Variants in SHOX observed in about 807,000 individuals in gnomAD.
SHOX encodes SHOX homeobox.
Under a neutral mutation model 29.6 loss-of-function variants are expected in SHOX, and 12 were observed. That is an observed-to-expected ratio of 0.41 (90% CI 0.26 to 0.66). The LOEUF (loss-of-function observed/expected upper bound fraction) is 0.66, where lower values mean the gene tolerates loss of function less well. Among genes scored for constraint, SHOX ranks in the 30% least tolerant of loss-of-function variants. The probability of loss-of-function intolerance (pLI) is 0.35; values close to 1 mark genes in which losing one functional copy is unlikely to be tolerated. For synonymous variants in SHOX, 214 were observed against 200.6 expected, an observed-to-expected ratio of 1.07 and a Z score of -0.57; for missense variants, 499 against 437.7, an observed-to-expected ratio of 1.14 and a Z score of -1.25.
chrX:644,456 G>A lies in SHOX; in HGVS notation c.699G>A (p.Ala233=). The A allele has an allele frequency of 1.3e-6, 2 of 1,522,552 alleles. No individual in the cohort carries two copies. Among genetic ancestry groups the A allele is most frequent in the African/African-American group, 1.4e-5 (1 of 70,354 alleles). The allele number at this position is 1,522,552 out of a possible 1,614,324, so 94.3% of individuals were successfully genotyped here. A position where few individuals can be genotyped will look rare whatever the true frequency, so the allele number is the denominator to read the frequency against. The change falls in exon 5 of 5, where the codon GCG becomes GCA. Residue 233 remains alanine (A), a synonymous_variant. Coordinates refer to ENST00000686671, the MANE Select transcript of SHOX (RefSeq NM_000451.4). ...HAHPHLHPHL[A]AHAPYLMFPP... is the part of the protein sequence containing the mutation. ...ACCCGCACCTGCACCCGCACCTGGC[G>A]GCGCACGCGCCCTACCTGATGTTCC...
chrX:638,331 T>G (rs1408164216), intron 2 of SHOX, among the ~76,000 whole-genome samples: 1 of 152,146 alleles, frequency 6.6e-6, no homozygotes, highest in African/African-American at 2.4e-5. Flanking sequence ...TTTTCTTTTT[T>G]GAAAAATGCC....
chrX:654,531 G>T (rs1172407037), downstream of SHOX, among the ~76,000 whole-genome samples: 13 of 152,104 alleles, frequency 8.5e-5, no homozygotes, highest in East Asian at 2.5e-3. Context: ...ATAAATCATT[G>T]TTGGGCATCC....
chrX:631,984 C>A, intron 1 of SHOX: 1 of 455,966 alleles, frequency 2.2e-6, no homozygotes, highest in East Asian at 6.9e-5. Flanking sequence ...CTCGAGGCTG[C>A]GTGGTAGGAG....
In SHOX at chrX:649,513, G is replaced by C. The variant is rs996696283; in HGVS notation, c.*4877G>C. On this transcript the variant is annotated 3_prime_UTR_variant, in exon 5 of 5. Coordinates refer to ENST00000686671, the MANE Select transcript of SHOX (RefSeq NM_000451.4). Reference sequence around the variant, plus strand: ...AGGTGAGAAATTGAATTTATGGGGTGGGTGTACGCTGGCGATTCTTGGTGC... The same window carrying C: ...AGGTGAGAAATTGAATTTATGGGGTCGGTGTACGCTGGCGATTCTTGGTGC... 2.0e-5 allele frequency among the ~76,000 whole-genome samples: 3 copies of C among 152,160 alleles called. No homozygotes were observed. Among genetic ancestry groups the C allele is most frequent in the African/African-American group, 7.2e-5 (3 of 41,440 alleles).
At position 642,303 on chromosome X, in the gene SHOX, G is replaced by T. The variant is rs188624766; in HGVS notation, c.633+1216G>T. On this transcript the variant is annotated intron_variant, in intron 4 of 4. Transcript: ENST00000686671. The stretch of plus-strand genomic sequence containing the variant: ...GCATGCGCGGGCGGAACGGGCTTGG[G>T]GGGGGGGCTCTGGCAGGGCGGACGC... 9.6e-3 allele frequency among the ~76,000 whole-genome samples: 1,461 copies of T among 152,194 alleles called. 39 individuals carry two copies. Among genetic ancestry groups the T allele is most frequent in the East Asian group, 0.061 (314 of 5,142 alleles).
chrX:655,608 CT>C (rs2053133430), downstream of SHOX, among the ~76,000 whole-genome samples: 1 of 24,556 alleles, frequency 4.1e-5, no homozygotes, highest in Admixed American at 6.8e-4. Context: ...CTCTCTCTCT[CT>C]CTCTCTATAT....
Position 650,070 on chromosome X carries a change from C to T in SHOX, c.*5434C>T, listed in dbSNP as rs1193561979. ...GCAATTGCCAAGAGTTAGAAAAATG[C>T]ACCTTCTCTGGTGGCCGTTGGGGTG... On this transcript the variant is annotated 3_prime_UTR_variant, in exon 5 of 5. Coordinates refer to ENST00000686671, the MANE Select transcript of SHOX (RefSeq NM_000451.4). 4.0e-5 allele frequency: 18 copies of T among 453,766 alleles called. No homozygotes were observed. The highest frequency in any genetic ancestry group is 7.5e-5 in the Non-Finnish European group (17 of 225,772). 28.1% of individuals were successfully genotyped at this position (453,766 alleles called of 1,614,324 possible).
chrX:630,085 T>C (rs2052619565), upstream of SHOX, among the ~76,000 whole-genome samples: 1 of 152,048 alleles, frequency 6.6e-6, no homozygotes. Flanking sequence ...GGCTTCTTTC[T>C]GCGGGCGCTG....
chrX:658,298 T>G (rs760745887), intron 5 of SHOX, among the ~76,000 whole-genome samples: 1 of 151,878 alleles, frequency 6.6e-6, no homozygotes, highest in East Asian at 2.0e-4. Flanking sequence ...TTAGCGGGTA[T>G]TAAAGCAGCT....
Position 641,052 on chromosome X carries a change from G to T in SHOX, c.598G>T (p.Val200Phe). Residue 200 changes from valine to phenylalanine, a missense_variant, in exon 4 of 5, where the codon GTC (valine) becomes TTC (phenylalanine). By Grantham distance (50) the Val-to-Phe change is conservative (BLOSUM62 -1). Coordinates refer to ENST00000686671, the MANE Select transcript of SHOX (RefSeq NM_000451.4). ...HLDACRVAPY[V>F]NMGALRMPFQ... Reference sequence around the variant, plus strand: ...AGACGCCTGCCGAGTGGCACCCTACGTCAACATGGGAGCCTTACGGATGCC... The same window carrying T: ...AGACGCCTGCCGAGTGGCACCCTACTTCAACATGGGAGCCTTACGGATGCC... 6.2e-7 allele frequency: 1 copy of T among 1,613,794 alleles called. No individual in the cohort carries two copies. The highest frequency in any genetic ancestry group is 8.5e-7 in the Non-Finnish European group (1 of 1,179,840).
In SHOX at chrX:650,091, G is replaced by A. The variant is rs766687125; in HGVS notation, c.*5455G>A. ...AATGCACCTTCTCTGGTGGCCGTTGGGGTGTTGTTTCACAGGCAGTGGTGA... is the reference window on the plus strand; with the variant it reads ...AATGCACCTTCTCTGGTGGCCGTTGAGGTGTTGTTTCACAGGCAGTGGTGA... On this transcript the variant is annotated 3_prime_UTR_variant, in exon 5 of 5. Transcript: ENST00000686671. The A allele has an allele frequency of 4.0e-5, 18 of 447,452 alleles. No homozygotes were observed. The East Asian group carries it at 1.2e-3, about 29-fold the overall frequency. 27.7% of individuals were successfully genotyped at this position (447,452 alleles called of 1,614,324 possible). A position where few individuals can be genotyped will look rare whatever the true frequency, so the allele number is the denominator to read the frequency against.
intron 2 of SHOX, 53 bp downstream of exon 2, chrX:634,879 G>C: frequency 1.3e-6 from 2 of 1,528,160 alleles, no homozygotes; most frequent in Non-Finnish European, 1.8e-6. Flanking sequence ...CTGGTCCTCG[G>C]GAGCGCACAG....
At position 644,673 on chromosome X, in the gene SHOX, G is replaced by C. The variant is rs2124194796; in HGVS notation, c.*37G>C. 2 of 1,402,348 alleles carry C rather than the reference G, an allele frequency of 1.4e-6. No homozygotes were observed. Among genetic ancestry groups the C allele is most frequent in the East Asian group, 3.0e-5 (1 of 33,612 alleles). 86.9% of individuals were successfully genotyped at this position (1,402,348 alleles called of 1,614,324 possible). On this transcript the variant is annotated 3_prime_UTR_variant, in exon 5 of 5. Transcript: ENST00000686671. ...GCCCCCCGCGCGCCCGGACTCCCGG[G>C]CTCCGCGCACCCCGCCTGCACCGCG...
At position 649,695 on chromosome X, in the gene SHOX, A is replaced by G. The variant is rs759095883; in HGVS notation, c.*5059A>G. Among the ~76,000 whole-genome samples the G allele has an allele frequency of 4.6e-5, 7 of 152,172 alleles. No individual in the cohort carries two copies. The highest frequency in any genetic ancestry group is 1.7e-4 in the African/African-American group (7 of 41,528). ...GCAGAGAGAGGATTTGGTGTGTGAGATCCGTACCAGCTCCAGCACACTGAT... is the reference window on the plus strand; with the variant it reads ...GCAGAGAGAGGATTTGGTGTGTGAGGTCCGTACCAGCTCCAGCACACTGAT... On this transcript the variant is annotated 3_prime_UTR_variant, in exon 5 of 5. Coordinates refer to ENST00000686671, the MANE Select transcript of SHOX (RefSeq NM_000451.4).
chrX:636,970 A>ATATATATATAT lies in SHOX; in HGVS notation c.486+2145_486+2146insATATATATATT, dbSNP rs1458275715. On this transcript the variant is annotated intron_variant, in intron 2 of 4. Coordinates refer to ENST00000686671, the MANE Select transcript of SHOX (RefSeq NM_000451.4). ...AAAATATATATATATATATATATAT[A>ATATATATATAT]TTTTGGCTCCTGATTCTCTTCCGTC... 6.3e-4 allele frequency among the ~76,000 whole-genome samples: 87 copies of ATATATATATAT among 137,330 alleles called. 1 individual carries two copies. The Middle Eastern group carries it at 0.02, about 31-fold the overall frequency. 90.1% of individuals were successfully genotyped at this position (137,330 alleles called of 152,430 possible).
Position 651,423 on chromosome X carries a change from C to G in SHOX, c.*6787C>G. The G allele has an allele frequency of 2.3e-6, 1 of 443,648 alleles. No homozygotes were observed. 27.5% of individuals were successfully genotyped at this position (443,648 alleles called of 1,614,324 possible). ...CAAACAAACAAACAGAAAAAAAAAC[C>G]AAAAAAAACCACCCTGAGTTTCTCT... On this transcript the variant is annotated 3_prime_UTR_variant, in exon 5 of 5. Coordinates refer to ENST00000686671, the MANE Select transcript of SHOX (RefSeq NM_000451.4).
chrX:635,194 T>C (rs1324070582), intron 2 of SHOX, among the ~76,000 whole-genome samples: 1 of 152,148 alleles, frequency 6.6e-6, no homozygotes, highest in East Asian at 1.9e-4. Context: ...TCGGTTCCCC[T>C]GGGATTGGTT....
At chrX:657,854 T>G (rs2053168670) in intron 5 of SHOX, among the ~76,000 whole-genome samples, 1 of 152,180 alleles carries the variant, frequency 6.6e-6, no homozygotes, top group African/African-American at 2.4e-5. Flanking sequence ...ACATTTGGGT[T>G]GATTTATTTG....
chrX:638,148 C>A (rs2052788869), intron 2 of SHOX, among the ~76,000 whole-genome samples: 1 of 152,158 alleles, frequency 6.6e-6, no homozygotes, highest in Admixed American at 6.6e-5. Flanking sequence ...CAGTGTCACA[C>A]ACTTCACTTA....
Sources: allele counts gnomAD v4.1 joint callset (sites outside exome capture counted in the v4.1 genomes callset), GRCh38; gene constraint gnomAD v4.1.1; transcripts MANE v1.5; gene names NCBI Gene and HGNC (gene_info 2026-07-23, HGNC 2026-07-21).